TENM3: variants seen among roughly 807,000 people sequenced by gnomAD.
The protein encoded by TENM3 is teneurin transmembrane protein 3, also known as teneurin-3.
In TENM3, 63 loss-of-function variants were observed where a neutral mutation model predicts 255.1. That is an observed-to-expected ratio of 0.25 (90% confidence interval 0.20 to 0.30). TENM3 has a LOEUF of 0.30. TENM3 is among the 10% of genes least tolerant of loss of function. The pLI is 1.00. For missense variants in TENM3, 2,929 were observed against 3,461.1 expected (o/e 0.85, Z 3.86); for synonymous variants, 1,306 against 1,322.3 (o/e 0.99, Z 0.27).
chr4:181,920,874 G>A, the TENM3 span, among the ~76,000 whole-genome samples: 27 of 152,086 alleles, frequency 1.8e-4, no homozygotes, highest in Non-Finnish European at 2.5e-4. Flanking sequence ...TAGGTCTAAC[G>A]TTTAAGTCTT....
At chr4:182,147,207 C>T (rs1422219937) in intron 1 of TENM3, among the ~76,000 whole-genome samples, 5 of 152,128 alleles carry the variant, frequency 3.3e-5, no homozygotes, top group Admixed American at 2.0e-4. Flanking sequence ...GGAAGAAGCG[C>T]GTGGCTATCG....
the TENM3 span, among the ~76,000 whole-genome samples, chr4:182,022,087 C>T: frequency 6.6e-6 from 1 of 151,626 alleles, no homozygotes; most frequent in East Asian, 1.9e-4. Context: ...GTTCTGCACT[C>T]GTATGTTTAT....
intron 3 of TENM3, among the ~76,000 whole-genome samples, chr4:182,589,832 G>A (rs1314178499): frequency 6.6e-6 from 1 of 151,972 alleles, no homozygotes; most frequent in Non-Finnish European, 1.5e-5. Context: ...AAATTAGCTG[G>A]GCTTGGTGGT....
intron 1 of TENM3, among the ~76,000 whole-genome samples, chr4:182,244,191 G>A (rs2150082137): frequency 6.6e-6 from 1 of 151,800 alleles, no homozygotes; most frequent in East Asian, 1.9e-4. Context: ...CTGACCTCGT[G>A]ATCCGCCCGC....
At chr4:181,640,970 A>G in the TENM3 span, among the ~76,000 whole-genome samples, 1 of 152,146 alleles carries the variant, frequency 6.6e-6, no homozygotes, top group South Asian at 2.1e-4. Context: ...AGGGTGAACT[A>G]TTTCTTCAAA....
intron 3 of TENM3, among the ~76,000 whole-genome samples, chr4:182,420,795 C>A (rs572949352): frequency 1.2e-4 from 18 of 152,260 alleles, no homozygotes; most frequent in Admixed American, 5.2e-4. Flanking sequence ...GTCATAATGG[C>A]AAACCAATAA....
Position 182,786,822 on chromosome 4 carries a change from C to T in TENM3, c.5305-2271C>T, listed in dbSNP as rs115640741. On this transcript the variant is annotated intron_variant, in intron 24 of 27. Transcript: ENST00000511685. Reference sequence around the variant, plus strand: ...CTACAGTCAGTCTTCTGTAGTTCCTCCAAAGCCCGGGATAATCTAAGGAAG... The same window carrying T: ...CTACAGTCAGTCTTCTGTAGTTCCTTCAAAGCCCGGGATAATCTAAGGAAG... Among the ~76,000 whole-genome samples the T allele has an allele frequency of 2.0e-3, 312 of 152,268 alleles. 2 individuals carry two copies. Among genetic ancestry groups the T allele is most frequent in the Middle Eastern group, 3.4e-3 (1 of 294 alleles).
the TENM3 span, among the ~76,000 whole-genome samples, chr4:181,771,589 A>G: frequency 6.6e-6 from 1 of 152,246 alleles, no homozygotes; most frequent in Non-Finnish European, 1.5e-5. Flanking sequence ...TGCCCGGCAG[A>G]CAAACTGCAT....
chr4:182,255,525 A>G (rs1303606533), intron 1 of TENM3, among the ~76,000 whole-genome samples: 1 of 152,216 alleles, frequency 6.6e-6, no homozygotes, highest in African/African-American at 2.4e-5. Context: ...AAGACTCCAG[A>G]ATGGCTTGTG....
At chr4:182,485,461 A>C (rs1734605140) in intron 3 of TENM3, among the ~76,000 whole-genome samples, 1 of 152,184 alleles carries the variant, frequency 6.6e-6, no homozygotes, top group Admixed American at 6.5e-5. Context: ...AATCCTGACC[A>C]AGCAATCAAT....
the TENM3 span, among the ~76,000 whole-genome samples, chr4:182,134,522 A>C: frequency 9.3e-4 from 142 of 152,268 alleles, no homozygotes; most frequent in African/African-American, 2.6e-3. Flanking sequence ...CCTCCTAGAT[A>C]TCTTATCCAA....
At chr4:181,603,791 C>A in the TENM3 span, among the ~76,000 whole-genome samples, 1 of 152,146 alleles carries the variant, frequency 6.6e-6, no homozygotes, top group Non-Finnish European at 1.5e-5. Flanking sequence ...ACTTTCAGTA[C>A]TAGCTTCAGA....
the TENM3 span, among the ~76,000 whole-genome samples, chr4:182,079,202 G>A: frequency 4.6e-5 from 7 of 152,120 alleles, no homozygotes; most frequent in African/African-American, 1.4e-4. Flanking sequence ...TCAATATTAG[G>A]TGCTAGAATA....
At chr4:182,221,073 C>CT (rs1370762152) in intron 1 of TENM3, among the ~76,000 whole-genome samples, 2 of 152,110 alleles carry the variant, frequency 1.3e-5, no homozygotes, top group Non-Finnish European at 2.9e-5. Context: ...TGTGTGTGTG[C>CT]TTAAGTACCT....
chr4:182,792,381 G>C lies in TENM3; in HGVS notation c.5709G>C (p.Gln1903His), dbSNP rs771444335. Residue 1903 changes from glutamine (Q) to histidine (H), a missense_variant, in exon 26 of 28, where the codon CAG (glutamine) becomes CAC (histidine). Coordinates refer to ENST00000511685, the MANE Select transcript of TENM3 (RefSeq NM_001080477.4). The surrounding 1 kb of genome is among the most constrained non-coding windows in gnomAD (Gnocchi z 6.3). Reference protein sequence around the residue: ...TMPSVARHTMQTIRSIGYYRN... With the variant: ...TMPSVARHTMHTIRSIGYYRN... ...CCAGTGTGGCTCGCCACACCATGCA[G>C]ACCATCCGATCCATTGGCTACTACC... is the stretch of plus-strand genomic sequence containing the variant. The C allele has an allele frequency of 6.2e-7, 1 of 1,613,966 alleles. No homozygotes were observed. The highest frequency in any genetic ancestry group is 8.5e-7 in the Non-Finnish European group (1 of 1,179,900).
intron 3 of TENM3, among the ~76,000 whole-genome samples, chr4:182,475,800 A>G (rs1027978287): frequency 2.5e-4 from 38 of 152,272 alleles, no homozygotes; most frequent in African/African-American, 7.0e-4. Context: ...GTATTGAACA[A>G]TCACTCAGAT....
At position 182,243,415 on chromosome 4, in the gene TENM3, A is replaced by G. The variant is rs1324059777; in HGVS notation, c.-137A>G. The G allele has an allele frequency of 6.6e-6, 1 of 152,476 alleles. No homozygotes were observed. The highest frequency in any genetic ancestry group is 1.5e-5 in the Non-Finnish European group (1 of 68,302). The allele number at this position is 152,476 out of a possible 1,614,324, so 9.4% of individuals were successfully genotyped here. ...CAGGCATGAGCCATCGCACCTGGCC[A>G]TGAAGGCTTTTAGATGGGTCTGGAG... On this transcript the variant is annotated 5_prime_UTR_variant, in exon 1 of 28. It removes an upstream start codon present in the reference 5' UTR. Transcript: ENST00000511685.
chr4:182,288,274 T>G (rs538895815), intron 1 of TENM3, among the ~76,000 whole-genome samples: 1 of 152,074 alleles, frequency 6.6e-6, no homozygotes, highest in Non-Finnish European at 1.5e-5. Flanking sequence ...TCTCTCTATG[T>G]TGTCACATTG....
chr4:182,032,124 T>C, the TENM3 span, among the ~76,000 whole-genome samples: 2 of 152,182 alleles, frequency 1.3e-5, no homozygotes, highest in Admixed American at 6.5e-5. Flanking sequence ...ATCCTTGTCT[T>C]GTCCCAGTTT....
Sources: gnomAD v4.1 joint callset for allele counts (sites outside exome capture counted in the v4.1 genomes callset) on GRCh38, gnomAD v4.1.1 for gene constraint, Gnocchi (gnomAD v3.1) non-coding constraint, MANE v1.5 for transcripts, NCBI Gene and HGNC (gene_info 2026-07-23, HGNC 2026-07-21) for gene names.